GATAD2B: variants seen among roughly 807,000 people sequenced by gnomAD.
The protein encoded by GATAD2B is GATA zinc finger domain containing 2B.
Under a neutral mutation model 64.3 loss-of-function variants are expected in GATAD2B, and 8 were observed. The ratio of observed to expected loss-of-function variants is 0.12; its 90% confidence interval spans 0.07 to 0.22. GATAD2B has a LOEUF of 0.22. Ranked by LOEUF, GATAD2B falls within the 10% of genes least tolerant of loss-of-function variation. GATAD2B has a pLI of 1.00. For synonymous variants in GATAD2B, 281 were observed against 271.3 expected, an observed-to-expected ratio of 1.04 and a Z score of -0.35; for missense variants, 453 against 752.0, an observed-to-expected ratio of 0.60 and a Z score of 4.65.
In GATAD2B at chr1:153,859,907, C is replaced by CTTTTTTTTTTT. The variant is rs34557576; in HGVS notation, c.-1-31570_-1-31560dup. ...CTGTCAAGGAATTTTCTTTTCTTTT[C>CTTTTTTTTTTT]TTTTTTTTTTTTTTTTTTTTTTTTT... On this transcript the variant is annotated intron_variant, in intron 1 of 10. Transcript: ENST00000368655. Among the ~76,000 whole-genome samples the CTTTTTTTTTTT allele has an allele frequency of 9.9e-4, 60 of 60,892 alleles. 2 individuals carry two copies. Among genetic ancestry groups the CTTTTTTTTTTT allele is most frequent in the East Asian group, 1.5e-3 (3 of 2,036 alleles). 39.9% of individuals were successfully genotyped at this position (60,892 alleles called of 152,430 possible). A position where few individuals can be genotyped will look rare whatever the true frequency, so the allele number is the denominator to read the frequency against.
At chr1:153,872,033 C>T (rs968239377) in intron 1 of GATAD2B, among the ~76,000 whole-genome samples, 2 of 151,836 alleles carry the variant, frequency 1.3e-5, no homozygotes, top group Admixed American at 1.3e-4. Context: ...AAAAAGCAAC[C>T]TAGGCTAGGC....
chr1:153,883,715 CTTTTT>C (rs527982984), intron 1 of GATAD2B, among the ~76,000 whole-genome samples: 216 of 139,726 alleles, frequency 1.5e-3, no homozygotes, highest in Non-Finnish European at 2.6e-3. Context: ...TTTTTTTTTT[CTTTTT>C]TATCAGTTTT....
chr1:153,840,026 CTTTTTTTTTTT>C (rs779722872), intron 1 of GATAD2B, among the ~76,000 whole-genome samples: 3 of 97,828 alleles, frequency 3.1e-5, no homozygotes, highest in Non-Finnish European at 5.8e-5. Context: ...AAAATACTTT[CTTTTTTTTTTT>C]TTTTTTTTTT....
At chr1:153,863,154 G>C (rs555171667) in intron 1 of GATAD2B, among the ~76,000 whole-genome samples, 1 of 152,260 alleles carries the variant, frequency 6.6e-6, no homozygotes, top group African/African-American at 2.4e-5. Context: ...ACTAGGCACT[G>C]TAAGAATGAC....
intron 1 of GATAD2B, among the ~76,000 whole-genome samples, chr1:153,871,905 G>C (rs1273903339): frequency 6.6e-6 from 1 of 152,020 alleles, no homozygotes; most frequent in Non-Finnish European, 1.5e-5. Flanking sequence ...AGCTGAGATC[G>C]TGTCACTGCA....
intron 1 of GATAD2B, among the ~76,000 whole-genome samples, chr1:153,904,522 T>TATGGAGC (rs1677869330): frequency 6.6e-6 from 1 of 152,074 alleles, no homozygotes; most frequent in African/African-American, 2.4e-5. Flanking sequence ...AGCAAAGATG[T>TATGGAGC]ATGGAGCAAC....
At chr1:153,897,720 TCAC>T (rs1393817028) in intron 1 of GATAD2B, among the ~76,000 whole-genome samples, 1 of 152,196 alleles carries the variant, frequency 6.6e-6, no homozygotes, top group Non-Finnish European at 1.5e-5. Flanking sequence ...TGGATTCAGA[TCAC>T]CACTCCTGCT....
intron 1 of GATAD2B, among the ~76,000 whole-genome samples, chr1:153,903,810 C>T (rs1242858880): frequency 6.6e-6 from 1 of 151,898 alleles, no homozygotes; most frequent in African/African-American, 2.4e-5. Flanking sequence ...ATGGCAAATC[C>T]CCTCTCTACA....
intron 1 of GATAD2B, among the ~76,000 whole-genome samples, chr1:153,909,155 T>C (rs1678041248): frequency 6.6e-6 from 1 of 152,218 alleles, no homozygotes; most frequent in Non-Finnish European, 1.5e-5. Context: ...TAGTGAGCCA[T>C]GATCACACAA....
At chr1:153,853,348 A>C in intron 1 of GATAD2B, 23 of 711,744 alleles carry the variant, frequency 3.2e-5, no homozygotes, top group Non-Finnish European at 5.7e-5. Flanking sequence ...TGTGGAGCTC[A>C]TCAAGGGCAG....
chr1:153,848,549 C>A (rs1418731723), intron 1 of GATAD2B, among the ~76,000 whole-genome samples: 1 of 152,078 alleles, frequency 6.6e-6, no homozygotes, highest in Admixed American at 6.6e-5. Context: ...TGAAGTGTTC[C>A]CATGGTTTTA....
rs565541358 is a variant in GATAD2B, at chr1:153,876,646, T to G, written c.-2+46087A>C. The stretch of plus-strand genomic sequence containing the variant: ...AAACAGCTTTCTCCTACTGTCACCT[T>G]ACAAATCAGCACAGAAGTTCTGACA... On this transcript the variant is annotated intron_variant, in intron 1 of 10. Transcript: ENST00000368655. Among the ~76,000 whole-genome samples, 3 of 152,308 alleles carry G rather than the reference T, an allele frequency of 2.0e-5. No individual in the cohort carries two copies. In the South Asian group the frequency reaches 6.2e-4, roughly 32 times the overall value.
intron 1 of GATAD2B, among the ~76,000 whole-genome samples, chr1:153,917,269 T>C (rs1256185365): frequency 6.6e-6 from 1 of 150,926 alleles, no homozygotes; most frequent in Non-Finnish European, 1.5e-5. Flanking sequence ...GGCTAATTTT[T>C]GTATTTTTAG....
rs35262137 is a variant in GATAD2B, at chr1:153,839,108, C to CAAAAAAAA, written c.-1-10768_-1-10761dup. On this transcript the variant is annotated intron_variant, in intron 1 of 10. Coordinates refer to ENST00000368655, the MANE Select transcript of GATAD2B (RefSeq NM_020699.4). The stretch of plus-strand genomic sequence containing the variant: ...TGGGTGACAGAACGAGACCCTGTCT[C>CAAAAAAAA]AAAAAAAAAAAAAAAAAAAAAAAAA... Among the ~76,000 whole-genome samples, 125 of 78,564 alleles carry CAAAAAAAA rather than the reference C, an allele frequency of 1.6e-3. 3 individuals carry two copies. Among genetic ancestry groups the CAAAAAAAA allele is most frequent in the South Asian group, 3.6e-3 (7 of 1,956 alleles). The allele number at this position is 78,564 out of a possible 152,430, so 51.5% of individuals were successfully genotyped here. A position where few individuals can be genotyped will look rare whatever the true frequency, so the allele number is the denominator to read the frequency against.
At chr1:153,877,887 T>TAAAAA (rs36032008) in intron 1 of GATAD2B, among the ~76,000 whole-genome samples, 1 of 110,868 alleles carries the variant, frequency 9.0e-6, no homozygotes, top group African/African-American at 3.1e-5. Context: ...CAAAAAAACT[T>TAAAAA]AAAAAAAAAA....
intron 1 of GATAD2B, among the ~76,000 whole-genome samples, chr1:153,869,160 T>G (rs955282511): frequency 6.6e-6 from 1 of 151,778 alleles, no homozygotes; most frequent in African/African-American, 2.4e-5. Context: ...GGCATGATGG[T>G]GGGTGCCTGT....
intron 2 of GATAD2B, among the ~76,000 whole-genome samples, chr1:153,821,573 A>G (rs1340217097): frequency 6.6e-6 from 1 of 151,750 alleles, no homozygotes; most frequent in Non-Finnish European, 1.5e-5. Context: ...AAGTGTCTGC[A>G]TTCTTTTTTT....
In GATAD2B at chr1:153,916,277, GAAAAA is replaced by G. The variant is rs200305010; in HGVS notation, c.-2+6451_-2+6455del. On this transcript the variant is annotated intron_variant, in intron 1 of 10. Transcript: ENST00000368655. ...GTGACAGAGTGAGACTCCACCTCAA[GAAAAA>G]AAAAAAAAAAAGAAAAAGAGAGTAA... Among the ~76,000 whole-genome samples the G allele has an allele frequency of 5.0e-4, 46 of 92,600 alleles. No individual in the cohort carries two copies. In the South Asian group the frequency reaches 5.5e-3, roughly 11 times the overall value. The allele number at this position is 92,600 out of a possible 152,430, so 60.7% of individuals were successfully genotyped here.
Position 153,898,306 on chromosome 1 carries a change from CAAAAAA to C in GATAD2B, c.-2+24421_-2+24426del, listed in dbSNP as rs11373311. ...TGGGCAACAGAGTAACAGCCTGTCTCAAAAAAAAAAAAAAAAAGAAAAAAAGAAAAA... is the reference window on the plus strand; with the variant it reads ...TGGGCAACAGAGTAACAGCCTGTCTCAAAAAAAAAAAGAAAAAAAGAAAAA... On this transcript the variant is annotated intron_variant, in intron 1 of 10. Coordinates refer to ENST00000368655, the MANE Select transcript of GATAD2B (RefSeq NM_020699.4). Among the ~76,000 whole-genome samples, 137 of 80,782 alleles carry C rather than the reference CAAAAAA, an allele frequency of 1.7e-3. 2 individuals carry two copies. The highest frequency in any genetic ancestry group is 7.8e-3 in the South Asian group (21 of 2,690). 53.0% of individuals were successfully genotyped at this position (80,782 alleles called of 152,430 possible).
Sources: allele counts gnomAD v4.1 joint callset (sites outside exome capture counted in the v4.1 genomes callset), GRCh38; gene constraint gnomAD v4.1.1; transcripts MANE v1.5; gene names NCBI Gene and HGNC (gene_info 2026-07-23, HGNC 2026-07-21).